LRRTM4: variants seen among roughly 807,000 people sequenced by gnomAD.
LRRTM4 encodes leucine rich repeat transmembrane neuronal 4, also known as leucine-rich repeat transmembrane neuronal protein 4.
A neutral mutation model predicts 47.6 loss-of-function variants in LRRTM4; 25 were observed. That is an observed-to-expected ratio of 0.53 (90% CI 0.38 to 0.73). LRRTM4 has a LOEUF of 0.73. Ranked by LOEUF, LRRTM4 falls within the 30% of genes least tolerant of loss-of-function variation. The pLI is 0.00. For missense variants in LRRTM4, 638 were observed against 713.4 expected (o/e 0.89, Z 1.20); for synonymous variants, 311 against 269.5 (o/e 1.15, Z -1.51).
chr2:77,413,039 G>A (rs961854682), intron 3 of LRRTM4, among the ~76,000 whole-genome samples: 1 of 152,140 alleles, frequency 6.6e-6, no homozygotes, highest in Non-Finnish European at 1.5e-5. Context: ...AGGAAGGAAA[G>A]ACTTCTCCTT....
intron 3 of LRRTM4, among the ~76,000 whole-genome samples, chr2:77,089,305 C>T (rs1680845015): frequency 6.9e-6 from 1 of 144,496 alleles, no homozygotes; most frequent in Non-Finnish European, 1.5e-5. Flanking sequence ...TTCTCCTTCA[C>T]TCTTACCAAG....
chr2:77,051,505 T>C (rs755511831), intron 3 of LRRTM4, among the ~76,000 whole-genome samples: 5 of 152,108 alleles, frequency 3.3e-5, no homozygotes, highest in Non-Finnish European at 7.4e-5. Flanking sequence ...CAAGAAAAAA[T>C]CCATCATCTT....
intron 3 of LRRTM4, among the ~76,000 whole-genome samples, chr2:77,230,445 C>A (rs1230688446): frequency 1.3e-5 from 2 of 151,988 alleles, no homozygotes; most frequent in Non-Finnish European, 2.9e-5. Context: ...TAAATAATTT[C>A]TAGAAGGACA....
chr2:77,418,407 G>T (rs992600890), intron 3 of LRRTM4, among the ~76,000 whole-genome samples: 2 of 152,082 alleles, frequency 1.3e-5, no homozygotes, highest in Non-Finnish European at 2.9e-5. Context: ...TACAAATTTG[G>T]GGTCACGTTA....
At chr2:76,769,690 C>T (rs986248546) in intron 3 of LRRTM4, among the ~76,000 whole-genome samples, 21 of 151,962 alleles carry the variant, frequency 1.4e-4, no homozygotes, top group African/African-American at 1.7e-4. Flanking sequence ...ATACTGAATT[C>T]GTATCGGCAT....
chr2:77,165,068 A>T (rs1672840388), intron 3 of LRRTM4, among the ~76,000 whole-genome samples: 3 of 152,150 alleles, frequency 2.0e-5, no homozygotes, highest in Admixed American at 1.3e-4. Flanking sequence ...ACTGCTAGCA[A>T]GACTAATAAA....
intron 3 of LRRTM4, among the ~76,000 whole-genome samples, chr2:77,071,358 C>T (rs1680150256): frequency 6.6e-6 from 1 of 152,040 alleles, no homozygotes; most frequent in Non-Finnish European, 1.5e-5. Context: ...CCTTCACATG[C>T]TTATTAAATT....
At chr2:76,898,722 T>C (rs1388525819) in intron 3 of LRRTM4, among the ~76,000 whole-genome samples, 1 of 151,466 alleles carries the variant, frequency 6.6e-6, no homozygotes. Context: ...AAATATCTAC[T>C]ATATCTAAAA....
intron 3 of LRRTM4, among the ~76,000 whole-genome samples, chr2:76,796,993 A>T (rs374258241): frequency 2.0e-5 from 3 of 152,108 alleles, no homozygotes; most frequent in Non-Finnish European, 2.9e-5. Context: ...ATCTGATTGG[A>T]GTACCTGAAA....
intron 3 of LRRTM4, among the ~76,000 whole-genome samples, chr2:76,875,526 C>G (rs1389582770): frequency 6.6e-6 from 1 of 152,038 alleles, no homozygotes; most frequent in Admixed American, 6.6e-5. Context: ...TGAACTACAT[C>G]AGTTAAGTAA....
chr2:76,934,151 G>C (rs1185740034), intron 3 of LRRTM4, among the ~76,000 whole-genome samples: 1 of 152,080 alleles, frequency 6.6e-6, no homozygotes, highest in Non-Finnish European at 1.5e-5. Flanking sequence ...TTAAATAAAT[G>C]GGTCTCTATG....
rs1673269704 is a variant in LRRTM4, at chr2:76,761,960, C to T, written c.1552-13044G>A. 1.3e-5 allele frequency among the ~76,000 whole-genome samples: 2 copies of T among 152,088 alleles called. 1 individual carries two copies. Among genetic ancestry groups the T allele is most frequent in the East Asian group, 3.9e-4 (2 of 5,176 alleles). Reference sequence around the variant, plus strand: ...GCATTGTCACATAATTCATGAAATTCGCCATTTGTTGTAGTAAATCATAGG... The same window carrying T: ...GCATTGTCACATAATTCATGAAATTTGCCATTTGTTGTAGTAAATCATAGG... On this transcript the variant is annotated intron_variant, in intron 3 of 3. Coordinates refer to ENST00000409884, the MANE Select transcript of LRRTM4 (RefSeq NM_001134745.3).
chr2:77,401,417 CTCT>C (rs1186990491), intron 3 of LRRTM4, among the ~76,000 whole-genome samples: 2 of 151,826 alleles, frequency 1.3e-5, no homozygotes, highest in Non-Finnish European at 2.9e-5. Flanking sequence ...TTTTTCTCTG[CTCT>C]TCATTTTCCT....
At chr2:77,416,124 C>T (rs1015876557) in intron 3 of LRRTM4, among the ~76,000 whole-genome samples, 5 of 152,002 alleles carry the variant, frequency 3.3e-5, no homozygotes, top group Non-Finnish European at 5.9e-5. Flanking sequence ...ATATGTTTTG[C>T]ACTTTCCTTT....
At chr2:76,984,367 G>A (rs754154097) in intron 3 of LRRTM4, among the ~76,000 whole-genome samples, 2 of 151,748 alleles carry the variant, frequency 1.3e-5, no homozygotes, top group Non-Finnish European at 2.9e-5. Context: ...TGTAGCACCT[G>A]GTCATTACTA....
intron 3 of LRRTM4, among the ~76,000 whole-genome samples, chr2:77,102,886 T>G (rs1572964576): frequency 6.6e-6 from 1 of 152,182 alleles, no homozygotes; most frequent in East Asian, 1.9e-4. Context: ...TATATATTGT[T>G]TATGGCTGCT....
intron 3 of LRRTM4, among the ~76,000 whole-genome samples, chr2:77,263,867 A>T (rs1189515513): frequency 6.6e-6 from 1 of 152,066 alleles, no homozygotes; most frequent in African/African-American, 2.4e-5. Flanking sequence ...AACAATTCAA[A>T]CTGAAGTCTC....
intron 3 of LRRTM4, among the ~76,000 whole-genome samples, chr2:77,248,667 G>T (rs1198369970): frequency 6.6e-6 from 1 of 152,018 alleles, no homozygotes; most frequent in Non-Finnish European, 1.5e-5. Flanking sequence ...TATAGCAATC[G>T]TGACAGTATG....
intron 3 of LRRTM4, among the ~76,000 whole-genome samples, chr2:77,086,409 A>AGCGTGTGTGTGT (rs1680714431): frequency 1.3e-5 from 2 of 150,608 alleles, no homozygotes; most frequent in African/African-American, 2.5e-5. Flanking sequence ...AAACATTTTT[A>AGCGTGTGTGTGT]GTGTGTGTAT....
Sources: allele counts gnomAD v4.1 joint callset (sites outside exome capture counted in the v4.1 genomes callset), GRCh38; gene constraint gnomAD v4.1.1; transcripts MANE v1.5; gene names NCBI Gene and HGNC (gene_info 2026-07-23, HGNC 2026-07-21).